HSP90AA1: variants seen among roughly 807,000 people sequenced by gnomAD.
The protein encoded by HSP90AA1 is heat shock protein HSP 90-alpha.
A neutral mutation model predicts 73.3 loss-of-function variants in HSP90AA1; 18 were observed. That is an observed-to-expected ratio of 0.25 (90% CI 0.17 to 0.36). The LOEUF (loss-of-function observed/expected upper bound fraction) is 0.36. HSP90AA1 is among the 10% of genes least tolerant of loss of function. HSP90AA1 has a pLI of 1.00. For missense variants in HSP90AA1, 704 were observed against 874.2 expected (o/e 0.81, Z 2.45); for synonymous variants, 477 against 296.9 (o/e 1.61, Z -6.24).
At chr14:102,089,516 C>G (rs2049324014), upstream of HSP90AA1, among the ~76,000 whole-genome samples, 1 of 152,238 alleles carries the variant, frequency 6.6e-6, no homozygotes, top group Non-Finnish European at 1.5e-5. Flanking sequence ...CTGGCTGTTC[C>G]TTCTCTCTTC....
chr14:102,102,284 G>A (rs962799996), intron 1 of HSP90AA1, among the ~76,000 whole-genome samples: 1 of 152,324 alleles, frequency 6.6e-6, no homozygotes, highest in South Asian at 2.1e-4. Context: ...CAGGGTCCCA[G>A]TAAGGAGCTG....
chr14:102,087,497 G>A (rs1211322950), upstream of HSP90AA1, among the ~76,000 whole-genome samples: 2 of 151,960 alleles, frequency 1.3e-5, no homozygotes, highest in Admixed American at 1.3e-4. Context: ...GCGCCTGGAG[G>A]GAGGGTCGTG....
chr14:102,134,837 G>A (rs976679628), intron 1 of HSP90AA1, among the ~76,000 whole-genome samples: 1 of 152,162 alleles, frequency 6.6e-6, no homozygotes, highest in Non-Finnish European at 1.5e-5. Context: ...CGAGCGGGTT[G>A]CCAATGCTAG....
chr14:102,086,929 C>T (rs2049255603), intron 1 of HSP90AA1, 57 bp downstream of exon 1: 2 of 933,284 alleles, frequency 2.1e-6, no homozygotes, highest in Middle Eastern at 5.5e-4. Context: ...CCCGCGCCAG[C>T]CGCCCCCAGT....
At chr14:102,128,707 C>G (rs1458857678) in intron 1 of HSP90AA1, among the ~76,000 whole-genome samples, 16 of 150,704 alleles carry the variant, frequency 1.1e-4, no homozygotes. Flanking sequence ...GAAGCTGAGA[C>G]AGTGAATTGC....
At chr14:102,111,595 G>C (rs1285798879) in intron 1 of HSP90AA1, among the ~76,000 whole-genome samples, 2 of 152,178 alleles carry the variant, frequency 1.3e-5, no homozygotes, top group Admixed American at 1.3e-4. Flanking sequence ...CTTGAGAAGG[G>C]GCACAAAGAG....
At chr14:102,098,970 G>A (rs1195999848) in intron 2 of HSP90AA1, among the ~76,000 whole-genome samples, 2 of 152,218 alleles carry the variant, frequency 1.3e-5, no homozygotes, top group Non-Finnish European at 2.9e-5. Flanking sequence ...AAGTAGAGCT[G>A]AGCAAGAATG....
Position 102,084,910 on chromosome 14 carries a change from T to G in HSP90AA1, c.752A>C (p.Glu251Ala). ...KEEEKEKEEKESEDKPEIEDV... is the reference protein window; with the variant it reads ...KEEEKEKEEKASEDKPEIEDV... ...TTCAATTTCAGGTTTGTCTTCCGAC[T>G]CTTTCTCTTCTTTTTCTTTTTCTTC... Residue 251 changes from glutamate to alanine, a missense_variant, in exon 5 of 11, where the codon GAG (glutamate) becomes GCG (alanine). Glu to Ala is a moderately radical substitution (Grantham distance 107, BLOSUM62 -1). Coordinates refer to ENST00000216281, the MANE Select transcript of HSP90AA1 (RefSeq NM_005348.4). The G allele has an allele frequency of 1.3e-6, 2 of 1,580,034 alleles. No homozygotes were observed. Among genetic ancestry groups the G allele is most frequent in the Non-Finnish European group, 1.7e-6 (2 of 1,149,534 alleles).
intron 1 of HSP90AA1, among the ~76,000 whole-genome samples, chr14:102,134,207 A>G (rs1371447348): frequency 2.7e-5 from 4 of 150,482 alleles, no homozygotes; most frequent in African/African-American, 9.7e-5. Flanking sequence ...GCACGGTGGC[A>G]CATGCCTGCA....
chr14:102,089,645 GAGCCC>G (rs1005566076), upstream of HSP90AA1, among the ~76,000 whole-genome samples: 1 of 152,142 alleles, frequency 6.6e-6, no homozygotes, highest in Non-Finnish European at 1.5e-5. Context: ...ACTCACGGAA[GAGCCC>G]GGCCAGGACT....
intron 1 of HSP90AA1, among the ~76,000 whole-genome samples, chr14:102,130,199 G>A (rs1207896980): frequency 6.6e-6 from 1 of 152,028 alleles, no homozygotes; most frequent in African/African-American, 2.4e-5. Flanking sequence ...TCGAACTCCT[G>A]ACCTCATGAT....
intron 9 of HSP90AA1, chr14:102,082,657 A>G: frequency 1.7e-6 from 1 of 577,874 alleles, no homozygotes; most frequent in South Asian, 2.0e-5. Flanking sequence ...GTCTCGCTCC[A>G]TCACCCAGGC....
At chr14:102,135,441 T>G (rs1341870896) in intron 1 of HSP90AA1, among the ~76,000 whole-genome samples, 1 of 152,296 alleles carries the variant, frequency 6.6e-6, no homozygotes, top group Non-Finnish European at 1.5e-5. Flanking sequence ...TGAGCCCAGC[T>G]GCCTTCACCT....
At chr14:102,135,623 G>A (rs968459375) in intron 1 of HSP90AA1, among the ~76,000 whole-genome samples, 9 of 152,386 alleles carry the variant, frequency 5.9e-5, no homozygotes, top group Admixed American at 1.3e-4. Context: ...GGGAGGCTCA[G>A]GCATGGGGGC....
intron 1 of HSP90AA1, among the ~76,000 whole-genome samples, chr14:102,112,073 C>A (rs2049648897): frequency 1.3e-5 from 2 of 152,166 alleles, no homozygotes; most frequent in African/African-American, 4.8e-5. Flanking sequence ...AACTCATGTT[C>A]TTCAGTTCTG....
At position 102,081,544 on chromosome 14, in the gene HSP90AA1, G is replaced by C. The variant is rs930984794; in HGVS notation, c.*168C>G. The C allele has an allele frequency of 3.2e-6, 2 of 630,976 alleles. No individual in the cohort carries two copies. Among genetic ancestry groups the C allele is most frequent in the Non-Finnish European group, 5.7e-6 (2 of 353,684 alleles). The allele number at this position is 630,976 out of a possible 1,614,324, so 39.1% of individuals were successfully genotyped here. ...TTACTAGCTCTGCTTTAGTGCCTAA[G>C]GTATCACAGCATCACTTAGTAGACA... On this transcript the variant is annotated 3_prime_UTR_variant, in exon 11 of 11. Coordinates refer to ENST00000216281, the MANE Select transcript of HSP90AA1 (RefSeq NM_005348.4).
At chr14:102,093,286 G>A (rs1435630347) in intron 2 of HSP90AA1, among the ~76,000 whole-genome samples, 2 of 150,960 alleles carry the variant, frequency 1.3e-5, no homozygotes, top group South Asian at 2.1e-4. Flanking sequence ...CAAGGCGGGC[G>A]GATCACAAGG....
At chr14:102,132,060 G>A (rs548152207) in intron 1 of HSP90AA1, among the ~76,000 whole-genome samples, 10 of 152,132 alleles carry the variant, frequency 6.6e-5, no homozygotes, top group Non-Finnish European at 1.5e-4. Flanking sequence ...AACATAGTGA[G>A]GCTGTCTTCA....
intron 1 of HSP90AA1, among the ~76,000 whole-genome samples, chr14:102,115,175 T>C (rs987256296): frequency 6.6e-6 from 1 of 150,620 alleles, no homozygotes; most frequent in South Asian, 2.1e-4. Flanking sequence ...GGTGCATGCC[T>C]GTAGCCCCAG....
Sources: gnomAD v4.1 joint callset for allele counts (sites outside exome capture counted in the v4.1 genomes callset) on GRCh38, gnomAD v4.1.1 for gene constraint, MANE v1.5 for transcripts, NCBI Gene and HGNC (gene_info 2026-07-23, HGNC 2026-07-21) for gene names.